TAX1BP1: variants seen among roughly 807,000 people sequenced by gnomAD.
TAX1BP1 encodes Tax1 binding protein 1.
TAX1BP1 carries 62 observed loss-of-function variants against 97.7 expected under a neutral mutation model. The ratio of observed to expected loss-of-function variants is 0.63; its 90% CI spans 0.52 to 0.78. The LOEUF is 0.78. TAX1BP1 is among the 30% of genes least tolerant of loss of function. The pLI is 0.00. For synonymous variants in TAX1BP1, 340 were observed against 304.2 expected, an observed-to-expected ratio of 1.12 and a Z score of -1.23; for missense variants, 867 against 916.1, an observed-to-expected ratio of 0.95 and a Z score of 0.69.
Position 27,765,929 on chromosome 7 carries a change from C to T in TAX1BP1, c.361C>T (p.Arg121Ter), listed in dbSNP as rs766428683. Residue 121 changes from arginine (R) to a stop codon, truncating the protein, a stop_gained, in exon 4 of 17, where the codon CGA becomes TGA. Coordinates refer to ENST00000396319, the MANE Select transcript of TAX1BP1 (RefSeq NM_006024.7). LOFTEE classifies it high-confidence loss of function. ...TGGAGCAAGTACACCTTTCCAGTTT[C>T]GAGCTTCTTCTCCAGTTGAAGAGCT... ...IRGASTPFQF[R>*]ASSPVEELLT... 4.3e-6 allele frequency: 7 copies of T among 1,614,012 alleles called. No individual in the cohort carries two copies. Among genetic ancestry groups the T allele is most frequent in the Non-Finnish European group, 3.4e-6 (4 of 1,180,022 alleles).
intron 15 of TAX1BP1, 21 bp downstream of exon 15, chr7:27,817,059 G>T (rs1183924730): frequency 1.9e-6 from 3 of 1,596,772 alleles, no homozygotes; most frequent in Middle Eastern, 1.7e-4. Context: ...TTTTCATTGT[G>T]TGAGCCTGTC....
chr7:27,745,156 G>A (rs1265412210), intron 1 of TAX1BP1, among the ~76,000 whole-genome samples: 1 of 152,210 alleles, frequency 6.6e-6, no homozygotes, highest in Non-Finnish European at 1.5e-5. Context: ...ACATGGTAAA[G>A]CTGCTTGCTT....
intron 7 of TAX1BP1, among the ~76,000 whole-genome samples, chr7:27,786,541 A>C (rs1007753058): frequency 8.5e-5 from 13 of 152,196 alleles, no homozygotes; most frequent in African/African-American, 2.9e-4. Flanking sequence ...GCATTTCCTG[A>C]AGGCAATTCC....
At chr7:27,813,928 A>C (rs542875322) in intron 13 of TAX1BP1, among the ~76,000 whole-genome samples, 2 of 152,238 alleles carry the variant, frequency 1.3e-5, no homozygotes, top group East Asian at 3.9e-4. Flanking sequence ...TAGAAGACAA[A>C]TACTTAATGG....
At chr7:27,810,737 G>A (rs1467984219) in intron 13 of TAX1BP1, among the ~76,000 whole-genome samples, 2 of 152,082 alleles carry the variant, frequency 1.3e-5, no homozygotes, top group East Asian at 1.9e-4. Flanking sequence ...CCCTCCCAAA[G>A]TGCTGGGATT....
At chr7:27,820,977 A>C (rs142853600) in intron 15 of TAX1BP1, among the ~76,000 whole-genome samples, 1 of 152,350 alleles carries the variant, frequency 6.6e-6, no homozygotes, top group East Asian at 1.9e-4. Flanking sequence ...CAAAGTCCAC[A>C]GTGCTTCAGT....
chr7:27,828,567 T>C lies in TAX1BP1; in HGVS notation c.2169-61T>C. 2.6e-6 allele frequency: 4 copies of C among 1,514,714 alleles called. No individual in the cohort carries two copies. The South Asian group carries it at 4.7e-5, about 18-fold the overall frequency. 93.8% of individuals were successfully genotyped at this position (1,514,714 alleles called of 1,614,324 possible). ...TAGATAAATGGAACCTTGTCATATA[T>C]GGACAAGTTGTTGTTCTACATTTAT... On this transcript the variant is annotated intron_variant, in intron 16 of 16. Transcript: ENST00000396319.
chr7:27,797,142 C>T (rs985576784), intron 12 of TAX1BP1, among the ~76,000 whole-genome samples: 4 of 151,686 alleles, frequency 2.6e-5, no homozygotes, highest in African/African-American at 7.3e-5. Context: ...AGACTACAGG[C>T]GCCTGCCACC....
intron 1 of TAX1BP1, among the ~76,000 whole-genome samples, chr7:27,742,767 A>G (rs144143451): frequency 0.011 from 1,620 of 152,314 alleles, 25 homozygotes; most frequent in African/African-American, 0.035. Context: ...CACCCAGCCC[A>G]TCACGTTCTT....
intron 8 of TAX1BP1, 87 bp from the exon 9 acceptor site, chr7:27,791,919 C>A: frequency 1.6e-6 from 2 of 1,270,558 alleles, no homozygotes; most frequent in South Asian, 1.4e-5. Flanking sequence ...AAATTTTGGC[C>A]CTGTTGAAAT....
chr7:27,821,710 A>G (rs1177672357), intron 15 of TAX1BP1, among the ~76,000 whole-genome samples: 1 of 148,936 alleles, frequency 6.7e-6, no homozygotes, highest in Non-Finnish European at 1.5e-5. Flanking sequence ...TTTGCCATTT[A>G]AAGTATACAA....
At chr7:27,827,420 A>T (rs1019764827) in intron 15 of TAX1BP1, among the ~76,000 whole-genome samples, 5 of 151,954 alleles carry the variant, frequency 3.3e-5, no homozygotes, top group African/African-American at 1.2e-4. Flanking sequence ...AAAGTTACCT[A>T]CGTATATAGG....
At chr7:27,761,782 A>G (rs1447940820) in intron 3 of TAX1BP1, among the ~76,000 whole-genome samples, 2 of 152,228 alleles carry the variant, frequency 1.3e-5, no homozygotes, top group Non-Finnish European at 2.9e-5. Context: ...ATGCTGCAAT[A>G]AACACTCTTG....
Position 27,816,383 on chromosome 7 carries a change from G to A in TAX1BP1, c.1799G>A (p.Arg600Lys). 6.3e-7 allele frequency: 1 copy of A among 1,583,078 alleles called. No individual in the cohort carries two copies. Among genetic ancestry groups the A allele is most frequent in the African/African-American group, 1.4e-5 (1 of 72,780 alleles). Residue 600 changes from arginine (R) to lysine (K), a missense_variant, in exon 14 of 17, where the codon AGG (arginine) becomes AAG (lysine). By Grantham distance (26) the Arg-to-Lys change is conservative. Transcript: ENST00000396319. ...LKRSLENPAE[R>K]KMEGQNSQSP... ...AGGAGTCTAGAAAATCCAGCAGAAA[G>A]GAAAATGGAAGGTCAGAATTCCCAG...
chr7:27,799,024 A>T (rs1242674335), intron 12 of TAX1BP1, among the ~76,000 whole-genome samples: 1 of 151,982 alleles, frequency 6.6e-6, no homozygotes, highest in African/African-American at 2.4e-5. Flanking sequence ...TTGATAAAGT[A>T]CAGTTTATCA....
intron 15 of TAX1BP1, among the ~76,000 whole-genome samples, chr7:27,823,012 T>C (rs1051737866): frequency 4.6e-5 from 7 of 152,172 alleles, no homozygotes; most frequent in Non-Finnish European, 8.8e-5. Context: ...TTATTTTTAA[T>C]TTTTGAATAT....
At chr7:27,754,614 C>T (rs184186390) in intron 2 of TAX1BP1, among the ~76,000 whole-genome samples, 218 of 152,068 alleles carry the variant, frequency 1.4e-3, no homozygotes, top group Middle Eastern at 3.4e-3. Flanking sequence ...GCTCTATCGC[C>T]GAGGCTGGAG....
At chr7:27,776,841 TTCTC>T (rs993858890) in intron 5 of TAX1BP1, among the ~76,000 whole-genome samples, 1 of 151,874 alleles carries the variant, frequency 6.6e-6, no homozygotes, top group Admixed American at 6.6e-5. Flanking sequence ...TAAGTCCCTT[TTCTC>T]TCTGTTTCAT....
At chr7:27,790,934 A>AT (rs751499760) in intron 8 of TAX1BP1, among the ~76,000 whole-genome samples, 2 of 151,932 alleles carry the variant, frequency 1.3e-5, no homozygotes, top group African/African-American at 4.8e-5. Context: ...GGTGAGTTGA[A>AT]TTTTTTTACT....
Sources: allele counts gnomAD v4.1 joint callset (sites outside exome capture counted in the v4.1 genomes callset), GRCh38; gene constraint gnomAD v4.1.1; transcripts MANE v1.5; gene names NCBI Gene and HGNC (gene_info 2026-07-23, HGNC 2026-07-21).